AMOTL1: variants seen among roughly 807,000 people sequenced by gnomAD.
The protein encoded by AMOTL1 is angiomotin like 1.
Under a neutral mutation model 102.9 loss-of-function variants are expected in AMOTL1, and 45 were observed. That is an observed-to-expected ratio of 0.44 (90% confidence interval 0.34 to 0.56). The LOEUF (loss-of-function observed/expected upper bound fraction) is 0.56, where lower values mean the gene tolerates loss of function less well. AMOTL1 is among the 20% of genes least tolerant of loss of function. AMOTL1 has a pLI of 0.01. For missense variants in AMOTL1, 1,114 were observed against 1,225.6 expected (o/e 0.91, Z 1.36); for synonymous variants, 481 against 484.7 (o/e 0.99, Z 0.10).
chr11:94,731,301 AAGTGGGTGAAGCACAGTCACCCACTGTC>A (rs773984733), intron 2 of AMOTL1, among the ~76,000 whole-genome samples: 166 of 152,292 alleles, frequency 1.1e-3, no homozygotes, highest in African/African-American at 1.4e-3. Context: ...TGTTGTGGTG[AAGTGGGTGAAGCACAGTCACCCACTGTC>A]AGTGGGTGAA....
At chr11:94,819,299 T>C (rs1951821389) in intron 3 of AMOTL1, among the ~76,000 whole-genome samples, 1 of 152,164 alleles carries the variant, frequency 6.6e-6, no homozygotes, top group Non-Finnish European at 1.5e-5. Context: ...TTAAATAAGA[T>C]AGCTACAAAA....
At position 94,875,949 on chromosome 11, in the gene AMOTL1, C is replaced by G. The variant is rs922263753; in HGVS notation, c.*5154C>G. 6.6e-6 allele frequency: 1 copy of G among 152,592 alleles called. No individual in the cohort carries two copies. Among genetic ancestry groups the G allele is most frequent in the African/African-American group, 2.4e-5 (1 of 41,440 alleles). The allele number at this position is 152,592 out of a possible 1,614,324, so 9.5% of individuals were successfully genotyped here. On this transcript the variant is annotated 3_prime_UTR_variant, in exon 13 of 13. Transcript: ENST00000433060. The stretch of plus-strand genomic sequence containing the variant: ...TAGGTATTCTGTAAAACTGTGTTTA[C>G]TTTAGTGCATGTTATTGTCATGTTA...
chr11:94,754,160 AATTATTGTT>A (rs1950692186), intron 3 of AMOTL1, among the ~76,000 whole-genome samples: 1 of 152,144 alleles, frequency 6.6e-6, no homozygotes, highest in Non-Finnish European at 1.5e-5. Context: ...GAGCAATTTC[AATTATTGTT>A]GTTATTATAT....
At position 94,799,321 on chromosome 11, in the gene AMOTL1, C is replaced by T; in HGVS notation, c.200-69C>T. ...CTGTAGTTAGAATGTTAATTATGTA[C>T]CACATAGTCACAGACATATATCTCC... On this transcript the variant is annotated intron_variant, in intron 2 of 12. Transcript: ENST00000433060. This position sits in a 1 kb window ranked among gnomAD's most constrained non-coding sequence, Gnocchi z 4.5. The T allele has an allele frequency of 8.0e-7, 1 of 1,243,864 alleles. No homozygotes were observed. The highest frequency in any genetic ancestry group is 1.1e-6 in the Non-Finnish European group (1 of 906,900). The allele number at this position is 1,243,864 out of a possible 1,614,324, so 77.1% of individuals were successfully genotyped here. A position where few individuals can be genotyped will look rare whatever the true frequency, so the allele number is the denominator to read the frequency against.
intron 2 of AMOTL1, among the ~76,000 whole-genome samples, chr11:94,736,345 G>A (rs1203457831): frequency 6.6e-6 from 1 of 152,154 alleles, no homozygotes; most frequent in African/African-American, 2.4e-5. Context: ...TCTGCCTCAC[G>A]GGTTCAAGCG....
At chr11:94,802,439 A>G (rs539628166) in intron 3 of AMOTL1, among the ~76,000 whole-genome samples, 19 of 152,326 alleles carry the variant, frequency 1.2e-4, no homozygotes, top group Middle Eastern at 3.4e-3. Flanking sequence ...TTGTAAAGTA[A>G]TATGTACATA....
At chr11:94,855,943 T>C (rs11020964) in intron 8 of AMOTL1, among the ~76,000 whole-genome samples, 2 of 152,286 alleles carry the variant, frequency 1.3e-5, no homozygotes, top group East Asian at 3.9e-4. Flanking sequence ...TGGATTTGTG[T>C]TCGGGAGCTG....
rs1269634490 is a variant in AMOTL1, at chr11:94,874,661, G to A, written c.*3866G>A. ...TTCTCACCTGGGTGCGCACCCTCAT[G>A]ATGCAGTGGCTGTAGCACCTTCATG... On this transcript the variant is annotated 3_prime_UTR_variant, in exon 13 of 13. Transcript: ENST00000433060. 1 of 152,252 alleles carries A rather than the reference G, an allele frequency of 6.6e-6. No individual in the cohort carries two copies. Among genetic ancestry groups the A allele is most frequent in the Admixed American group, 6.5e-5 (1 of 15,286 alleles). The allele number at this position is 152,252 out of a possible 1,614,324, so 9.4% of individuals were successfully genotyped here.
At chr11:94,756,999 T>C (rs947439525) in intron 3 of AMOTL1, among the ~76,000 whole-genome samples, 1 of 152,108 alleles carries the variant, frequency 6.6e-6, no homozygotes, top group African/African-American at 2.4e-5. Flanking sequence ...GCCCATTTTT[T>C]TTTTTCTGTT....
At chr11:94,768,227 T>G, upstream of AMOTL1, 2 of 1,130,502 alleles carry the variant, frequency 1.8e-6, no homozygotes, top group Non-Finnish European at 2.2e-6. Flanking sequence ...GCGGCGGGTG[T>G]CTGCAGACGG....
At chr11:94,752,802 G>T (rs898115855) in intron 3 of AMOTL1, among the ~76,000 whole-genome samples, 3 of 152,166 alleles carry the variant, frequency 2.0e-5, no homozygotes, top group African/African-American at 7.2e-5. Context: ...TACAAAACCT[G>T]GTCTGGAATG....
At chr11:94,789,220 G>T (rs761464924) in intron 1 of AMOTL1, among the ~76,000 whole-genome samples, 1 of 152,092 alleles carries the variant, frequency 6.6e-6, no homozygotes, top group African/African-American at 2.4e-5. Flanking sequence ...GTGCAGTGGC[G>T]CAGTCTTGGC....
intron 6 of AMOTL1, among the ~76,000 whole-genome samples, chr11:94,849,576 G>A (rs905034603): frequency 6.6e-6 from 1 of 152,128 alleles, no homozygotes; most frequent in Non-Finnish European, 1.5e-5. Context: ...CAGGAAAAGG[G>A]GAAATTGTGG....
chr11:94,725,258 G>A (rs552869894), intron 1 of AMOTL1, among the ~76,000 whole-genome samples: 17 of 152,236 alleles, frequency 1.1e-4, no homozygotes, highest in Admixed American at 1.1e-3. Context: ...GGGGAATGTA[G>A]GCAAGTTAGA....
At chr11:94,841,261 G>A (rs922079493) in intron 6 of AMOTL1, among the ~76,000 whole-genome samples, 4 of 152,050 alleles carry the variant, frequency 2.6e-5, no homozygotes, top group Non-Finnish European at 4.4e-5. Context: ...GCCAACACCT[G>A]GCCAACACCA....
At chr11:94,808,291 ACATGT>A (rs1951601358) in intron 3 of AMOTL1, among the ~76,000 whole-genome samples, 1 of 151,904 alleles carries the variant, frequency 6.6e-6, no homozygotes, top group Admixed American at 6.6e-5. Context: ...CCCTCCTCTC[ACATGT>A]AAATTGTGTA....
intron 9 of AMOTL1, 73 bp downstream of exon 9, chr11:94,859,788 A>G (rs1317614173): frequency 1.4e-6 from 2 of 1,470,234 alleles, no homozygotes; most frequent in Non-Finnish European, 1.8e-6. Context: ...CAGGCTATCC[A>G]GAGAGGTCCA....
At chr11:94,727,010 AAT>A (rs1950271366) in intron 1 of AMOTL1, among the ~76,000 whole-genome samples, 2 of 152,280 alleles carry the variant, frequency 1.3e-5, no homozygotes, top group African/African-American at 4.8e-5. Flanking sequence ...AGATTAATAA[AAT>A]AAAATCATGG....
intron 1 of AMOTL1, among the ~76,000 whole-genome samples, chr11:94,713,821 A>G (rs1319546843): frequency 6.6e-6 from 1 of 151,788 alleles, no homozygotes; most frequent in African/African-American, 2.4e-5. Flanking sequence ...GGGATTTTCT[A>G]CACAGACCAT....
Sources: gnomAD v4.1 joint callset for allele counts (sites outside exome capture counted in the v4.1 genomes callset) on GRCh38, gnomAD v4.1.1 for gene constraint, Gnocchi (gnomAD v3.1) non-coding constraint, MANE v1.5 for transcripts, NCBI Gene and HGNC (gene_info 2026-07-23, HGNC 2026-07-21) for gene names.